Variants in LRMDA observed in about 807,000 individuals in gnomAD.
LRMDA encodes the protein leucine-rich melanocyte differentiation-associated protein.
Under a neutral mutation model 29.8 loss-of-function variants are expected in LRMDA, and 18 were observed. The observed-to-expected ratio is 0.60, with a 90% CI of 0.42 to 0.90. LRMDA has a LOEUF of 0.90. Ranked by LOEUF, LRMDA falls within the 40% of genes least tolerant of loss-of-function variation. The probability of loss-of-function intolerance (pLI) is 0.00; values close to 1 mark genes in which losing one functional copy is unlikely to be tolerated. For synonymous variants in LRMDA, 125 were observed against 109.4 expected (o/e 1.14, Z -0.89); for missense variants, 273 against 273.9 (o/e 1.00, Z 0.02).
intron 5 of LRMDA, among the ~76,000 whole-genome samples, chr10:76,179,954 A>G (rs182694747): frequency 2.6e-3 from 391 of 152,334 alleles, no homozygotes; most frequent in Non-Finnish European, 3.6e-3. Context: ...TGAAGGTATC[A>G]GTTTCTGCAA....
At chr10:75,905,365 C>A (rs1349670317) in intron 2 of LRMDA, among the ~76,000 whole-genome samples, 2 of 150,682 alleles carry the variant, frequency 1.3e-5, no homozygotes, top group East Asian at 3.9e-4. Context: ...TTTGACAGAA[C>A]AGTAGAATGA....
rs148882909 is a variant in LRMDA, at chr10:75,887,533, C to T, written c.132-148475C>T. Reference sequence around the variant, plus strand: ...GCAAACTTTGACTTGTAAGCCAAATCCTGTTGCTACCTTTTTTTTTTGTAA... The same window carrying T: ...GCAAACTTTGACTTGTAAGCCAAATTCTGTTGCTACCTTTTTTTTTTGTAA... On this transcript the variant is annotated intron_variant, in intron 2 of 6. Coordinates refer to ENST00000611255, the MANE Select transcript of LRMDA (RefSeq NM_001305581.2). Among the ~76,000 whole-genome samples the T allele has an allele frequency of 3.0e-3, 453 of 152,140 alleles. 1 individual carries two copies. Among genetic ancestry groups the T allele is most frequent in the Middle Eastern group, 6.8e-3 (2 of 294 alleles).
intron 2 of LRMDA, among the ~76,000 whole-genome samples, chr10:75,545,904 C>T (rs916270932): frequency 6.6e-6 from 1 of 152,046 alleles, no homozygotes; most frequent in African/African-American, 2.4e-5. Flanking sequence ...TCTGGAAGGT[C>T]TTAGGAAGAG....
At chr10:75,986,307 C>T (rs564748917) in intron 2 of LRMDA, among the ~76,000 whole-genome samples, 10 of 152,206 alleles carry the variant, frequency 6.6e-5, no homozygotes, top group Non-Finnish European at 1.2e-4. Flanking sequence ...TTTCTTCCTC[C>T]AGGACTAAGT....
intron 5 of LRMDA, among the ~76,000 whole-genome samples, chr10:76,286,357 T>C (rs763270219): frequency 4.6e-5 from 7 of 152,232 alleles, no homozygotes; most frequent in Non-Finnish European, 1.0e-4. Context: ...TGCCTGTCCA[T>C]TAACCAACCC....
chr10:76,357,210 T>C (rs1436509232), intron 6 of LRMDA, among the ~76,000 whole-genome samples: 2 of 152,176 alleles, frequency 1.3e-5, no homozygotes, highest in Non-Finnish European at 2.9e-5. Flanking sequence ...GTTGTAACTC[T>C]TGTTTTTGAT....
At chr10:76,096,911 C>T (rs905692229) in intron 5 of LRMDA, among the ~76,000 whole-genome samples, 2 of 151,900 alleles carry the variant, frequency 1.3e-5, no homozygotes, top group East Asian at 1.9e-4. Flanking sequence ...TTGCTAGTTT[C>T]ACTTTGCTAA....
intron 2 of LRMDA, among the ~76,000 whole-genome samples, chr10:75,468,707 G>A (rs1331645234): frequency 1.3e-5 from 2 of 152,126 alleles, no homozygotes; most frequent in Non-Finnish European, 2.9e-5. Context: ...ACAGGATTTG[G>A]GAAGGGTCAG....
intron 2 of LRMDA, among the ~76,000 whole-genome samples, chr10:75,768,855 A>G (rs983352805): frequency 6.6e-6 from 1 of 152,208 alleles, no homozygotes; most frequent in Non-Finnish European, 1.5e-5. Flanking sequence ...CAAAGTAAAA[A>G]TGCTTTAGGA....
chr10:75,842,150 G>A (rs1844552433), intron 2 of LRMDA, among the ~76,000 whole-genome samples: 1 of 152,116 alleles, frequency 6.6e-6, no homozygotes, highest in African/African-American at 2.4e-5. Flanking sequence ...ATGCCTGCAA[G>A]GCAAAAATGG....
chr10:75,560,479 A>T (rs996691510), intron 2 of LRMDA, among the ~76,000 whole-genome samples: 31 of 151,552 alleles, frequency 2.0e-4, no homozygotes, highest in Admixed American at 8.6e-4. Flanking sequence ...TCATCTGCAA[A>T]CAGGGACAAT....
chr10:76,403,981 G>C (rs774687293), intron 6 of LRMDA, among the ~76,000 whole-genome samples: 1 of 151,998 alleles, frequency 6.6e-6, no homozygotes, highest in Non-Finnish European at 1.5e-5. Flanking sequence ...GGATGCCTGG[G>C]TCCTGCCTGA....
chr10:76,336,686 G>GA (rs968033446), intron 6 of LRMDA, among the ~76,000 whole-genome samples: 6 of 150,412 alleles, frequency 4.0e-5, no homozygotes, highest in African/African-American at 1.2e-4. Context: ...TCCCCCAAAG[G>GA]AAAAAAAAAT....
intron 6 of LRMDA, among the ~76,000 whole-genome samples, chr10:76,491,731 A>G (rs1389628459): frequency 2.0e-5 from 3 of 151,904 alleles, no homozygotes; most frequent in African/African-American, 7.2e-5. Context: ...AGTTTAGGAA[A>G]GTCCTCTGTT....
At chr10:76,258,727 T>C (rs897071419) in intron 5 of LRMDA, among the ~76,000 whole-genome samples, 2 of 152,208 alleles carry the variant, frequency 1.3e-5, no homozygotes, top group African/African-American at 4.8e-5. Context: ...GTTAGTTCTG[T>C]TCCTGACTTA....
At chr10:76,425,883 G>C (rs1296546310) in intron 6 of LRMDA, among the ~76,000 whole-genome samples, 2 of 151,984 alleles carry the variant, frequency 1.3e-5, no homozygotes, top group Non-Finnish European at 2.9e-5. Flanking sequence ...ATATTTTGCT[G>C]AGAATGATGG....
chr10:75,472,006 G>A (rs1234462191), intron 2 of LRMDA, among the ~76,000 whole-genome samples: 1 of 152,102 alleles, frequency 6.6e-6, no homozygotes, highest in Non-Finnish European at 1.5e-5. Flanking sequence ...TCTTCCTCAG[G>A]GAGAGCCAAA....
At chr10:76,532,529 G>T (rs922131181) in intron 6 of LRMDA, among the ~76,000 whole-genome samples, 16 of 152,200 alleles carry the variant, frequency 1.1e-4, no homozygotes, top group African/African-American at 3.6e-4. Context: ...TCTTTTAAGA[G>T]GGAGTAATAG....
chr10:75,807,497 G>A (rs561301106), intron 2 of LRMDA, among the ~76,000 whole-genome samples: 1 of 152,276 alleles, frequency 6.6e-6, no homozygotes, highest in South Asian at 2.1e-4. Context: ...TTCTGTCTTC[G>A]GGATTGTATT....
Sources: gnomAD v4.1 joint callset for allele counts (sites outside exome capture counted in the v4.1 genomes callset) on GRCh38, gnomAD v4.1.1 for gene constraint, MANE v1.5 for transcripts, NCBI Gene and HGNC (gene_info 2026-07-23, HGNC 2026-07-21) for gene names.